Variants in RAD51B observed in about 807,000 individuals in gnomAD.
The protein encoded by RAD51B is RAD51 paralog B.
Under a neutral mutation model 42.2 loss-of-function variants are expected in RAD51B, and 38 were observed. The ratio of observed to expected loss-of-function variants is 0.90; its 90% CI spans 0.70 to 1.18. The LOEUF (loss-of-function observed/expected upper bound fraction) is 1.18, where lower values mean the gene tolerates loss of function less well. RAD51B is among the 50% of genes most tolerant of loss of function. The probability of loss-of-function intolerance (pLI) is 0.00; values close to 1 mark genes in which losing one functional copy is unlikely to be tolerated. For missense variants in RAD51B, 373 were observed against 400.7 expected, an observed-to-expected ratio of 0.93 and a Z score of 0.59; for synonymous variants, 154 against 145.2, an observed-to-expected ratio of 1.06 and a Z score of -0.43.
chr14:68,085,797 C>G (rs1178081502), intron 7 of RAD51B, among the ~76,000 whole-genome samples: 1 of 152,078 alleles, frequency 6.6e-6, no homozygotes, highest in Admixed American at 6.6e-5. Context: ...GGGAAAAGTT[C>G]CCTTGTCCCC....
At chr14:68,288,406 G>A (rs888979842) in intron 7 of RAD51B, among the ~76,000 whole-genome samples, 12 of 152,296 alleles carry the variant, frequency 7.9e-5, no homozygotes, top group African/African-American at 2.9e-4. Flanking sequence ...AAAAGGGAGA[G>A]GATTATTAGC....
At chr14:68,117,029 G>C (rs1566657591) in intron 7 of RAD51B, among the ~76,000 whole-genome samples, 2 of 152,120 alleles carry the variant, frequency 1.3e-5, no homozygotes, top group Non-Finnish European at 2.9e-5. Flanking sequence ...GTTTTATTAA[G>C]CAAGACAGGT....
intron 8 of RAD51B, among the ~76,000 whole-genome samples, chr14:68,302,143 G>GATA (rs1566794777): frequency 1.3e-5 from 2 of 152,294 alleles, no homozygotes; most frequent in East Asian, 3.9e-4. Context: ...AGCTTAGTGT[G>GATA]ATACACTATA....
intron 1 of RAD51B, among the ~76,000 whole-genome samples, 153 bp downstream of exon 1, chr14:67,820,006 A>G (rs778636371): frequency 6.6e-6 from 1 of 152,114 alleles, no homozygotes; most frequent in Non-Finnish European, 1.5e-5. Flanking sequence ...CGGGATCGTC[A>G]CTAAGAACCC....
chr14:68,137,820 G>T (rs1388514967), intron 7 of RAD51B, among the ~76,000 whole-genome samples: 2 of 152,176 alleles, frequency 1.3e-5, no homozygotes, highest in African/African-American at 2.4e-5. Flanking sequence ...CTTCTTCGTT[G>T]CCCTGACACT....
At chr14:68,530,446 C>CAAAAAAAAAAAAAAAAAAAAAAAAAA (rs35454756) in intron 10 of RAD51B, among the ~76,000 whole-genome samples, 11 of 67,842 alleles carry the variant, frequency 1.6e-4, no homozygotes, top group Non-Finnish European at 2.8e-4. Flanking sequence ...GACCCTGTCT[C>CAAAAAAAAAAAAAAAAAAAAAAAAAA]AAAAAAAAAA....
intron 10 of RAD51B, among the ~76,000 whole-genome samples, chr14:68,484,896 C>T (rs566270246): frequency 1.3e-5 from 2 of 152,318 alleles, no homozygotes; most frequent in African/African-American, 4.8e-5. Context: ...TCAGTTTGCA[C>T]ATGGCTCACC....
At chr14:68,656,297 C>A (rs949183947) in intron 11 of RAD51B, among the ~76,000 whole-genome samples, 3 of 152,170 alleles carry the variant, frequency 2.0e-5, no homozygotes, top group African/African-American at 4.8e-5. Context: ...CTCAGCCCAC[C>A]CACAGAGATG....
intron 10 of RAD51B, among the ~76,000 whole-genome samples, chr14:68,578,909 A>G (rs1890088674): frequency 6.6e-6 from 1 of 152,204 alleles, no homozygotes; most frequent in South Asian, 2.1e-4. Flanking sequence ...GCTGGGTCAT[A>G]GGCTTGCTTT....
At chr14:67,985,469 A>G (rs1424954625) in intron 7 of RAD51B, among the ~76,000 whole-genome samples, 1 of 152,190 alleles carries the variant, frequency 6.6e-6, no homozygotes, top group East Asian at 1.9e-4. Context: ...AATTTTGCCT[A>G]TTGTCCCTTT....
chr14:68,522,076 G>A (rs1886620866), intron 10 of RAD51B, among the ~76,000 whole-genome samples: 1 of 152,194 alleles, frequency 6.6e-6, no homozygotes, highest in Non-Finnish European at 1.5e-5. Flanking sequence ...GAAATTTGAA[G>A]CAGCGTCTTG....
intron 10 of RAD51B, among the ~76,000 whole-genome samples, chr14:68,499,985 G>A (rs1454043728): frequency 6.6e-6 from 1 of 152,224 alleles, no homozygotes; most frequent in Non-Finnish European, 1.5e-5. Flanking sequence ...TGACTGGAGA[G>A]AGAGAGAATC....
At chr14:67,891,255 T>G (rs546628317) in intron 7 of RAD51B, among the ~76,000 whole-genome samples, 1 of 152,280 alleles carries the variant, frequency 6.6e-6, no homozygotes, top group Non-Finnish European at 1.5e-5. Context: ...TATTAAATAT[T>G]CTAAGAGGGA....
intron 10 of RAD51B, among the ~76,000 whole-genome samples, chr14:68,558,590 G>A (rs1409396549): frequency 1.5e-4 from 23 of 152,078 alleles, no homozygotes; most frequent in Admixed American, 1.2e-3. Context: ...CCCCACTCCC[G>A]TCACTGCTGT....
At chr14:68,655,007 T>G (rs1892781386) in intron 11 of RAD51B, among the ~76,000 whole-genome samples, 1 of 152,106 alleles carries the variant, frequency 6.6e-6, no homozygotes, top group South Asian at 2.1e-4. Context: ...TGGAGACACC[T>G]TAGAGAGAGG....
At chr14:68,480,660 A>G (rs577792399), downstream of RAD51B, among the ~76,000 whole-genome samples, 50 of 142,084 alleles carry the variant, frequency 3.5e-4, 1 homozygote, top group East Asian at 3.9e-4. Flanking sequence ...TCAGATTATC[A>G]GGAAAAAAAA....
At chr14:67,907,037 G>A (rs1019689511) in intron 7 of RAD51B, among the ~76,000 whole-genome samples, 3 of 152,036 alleles carry the variant, frequency 2.0e-5, no homozygotes, top group East Asian at 1.9e-4. Flanking sequence ...TTGAAGTCCC[G>A]ACCTGAGGTG....
chr14:68,226,096 A>C (rs907876956), intron 7 of RAD51B, among the ~76,000 whole-genome samples: 1 of 152,186 alleles, frequency 6.6e-6, no homozygotes, highest in South Asian at 2.1e-4. Flanking sequence ...ACACCAATCA[A>C]GTCACGGGCA....
chr14:68,348,449 C>T (rs923451428), intron 8 of RAD51B, among the ~76,000 whole-genome samples: 1 of 152,088 alleles, frequency 6.6e-6, no homozygotes. Flanking sequence ...TCCTTGTGCT[C>T]TCAGGTTAAA....
Sources: allele counts gnomAD v4.1 joint callset (sites outside exome capture counted in the v4.1 genomes callset), GRCh38; gene constraint gnomAD v4.1.1; transcripts MANE v1.5; gene names NCBI Gene and HGNC (gene_info 2026-07-23, HGNC 2026-07-21).